Variants in LRP6 observed in about 807,000 individuals in gnomAD.
LRP6 encodes the protein low-density lipoprotein receptor-related protein 6.
In LRP6, 43 loss-of-function variants were observed where a neutral mutation model predicts 184.1. That is an observed-to-expected ratio of 0.23 (90% CI 0.18 to 0.30). The LOEUF is 0.30. Among genes scored for constraint, LRP6 ranks in the 10% least tolerant of loss-of-function variants. The probability of loss-of-function intolerance (pLI) is 1.00; values close to 1 mark genes in which losing one functional copy is unlikely to be tolerated. For missense variants in LRP6, 1,571 were observed against 2,005.3 expected, an observed-to-expected ratio of 0.78 and a Z score of 4.14; for synonymous variants, 719 against 684.9, an observed-to-expected ratio of 1.05 and a Z score of -0.78.
intron 16 of LRP6, among the ~76,000 whole-genome samples, chr12:12,136,933 T>C (rs1440347740): frequency 6.6e-6 from 1 of 152,228 alleles, no homozygotes; most frequent in Non-Finnish European, 1.5e-5. Context: ...AGATTTTCTG[T>C]AATAAAATAT....
intron 3 of LRP6, among the ~76,000 whole-genome samples, chr12:12,190,812 G>T (rs1338611218): frequency 6.6e-6 from 1 of 152,176 alleles, no homozygotes; most frequent in Non-Finnish European, 1.5e-5. Flanking sequence ...CCACAGTGAA[G>T]CTGTAATAAT....
Position 12,198,264 on chromosome 12 carries a change from C to G in LRP6, c.647+4939G>C, listed in dbSNP as rs1382682816. ...TTTTCTATAGTTGTTCATAGTTGTT[C>G]TATTCCCTTGCTTTGCTTTTCTTTC... On this transcript the variant is annotated intron_variant, in intron 3 of 22. Coordinates refer to ENST00000261349, the MANE Select transcript of LRP6 (RefSeq NM_002336.3). Among the ~76,000 whole-genome samples, 6 of 152,106 alleles carry G rather than the reference C, an allele frequency of 3.9e-5. No individual in the cohort carries two copies. The East Asian group carries it at 1.2e-3, about 29-fold the overall frequency.
At chr12:12,139,191 T>C (rs778161493) in intron 15 of LRP6, among the ~76,000 whole-genome samples, 22 of 152,204 alleles carry the variant, frequency 1.4e-4, no homozygotes, top group Admixed American at 2.6e-4. Flanking sequence ...CAAATATTTA[T>C]AGAAAGTTCA....
intron 3 of LRP6, among the ~76,000 whole-genome samples, chr12:12,196,462 G>A (rs549796937): frequency 1.3e-5 from 2 of 152,000 alleles, no homozygotes; most frequent in East Asian, 3.9e-4. Context: ...TATAGCTATT[G>A]TAAATGACAC....
At chr12:12,149,691 C>T (rs1233121094) in intron 13 of LRP6, among the ~76,000 whole-genome samples, 1 of 152,188 alleles carries the variant, frequency 6.6e-6, no homozygotes, top group Non-Finnish European at 1.5e-5. Context: ...CAGCCCAAAA[C>T]GACCACAGTG....
intron 1 of LRP6, among the ~76,000 whole-genome samples, chr12:12,262,707 A>G (rs1865649398): frequency 6.6e-6 from 1 of 152,228 alleles, no homozygotes; most frequent in Non-Finnish European, 1.5e-5. Flanking sequence ...AACTAAGAAA[A>G]TGGTAAGGAT....
intron 2 of LRP6, among the ~76,000 whole-genome samples, chr12:12,206,294 G>A (rs1591947004): frequency 6.6e-6 from 1 of 152,252 alleles, no homozygotes; most frequent in Non-Finnish European, 1.5e-5. Context: ...TGTAATCCTA[G>A]CACTTTGGGA....
At chr12:12,150,180 G>T (rs1401490809) in intron 13 of LRP6, among the ~76,000 whole-genome samples, 1 of 152,082 alleles carries the variant, frequency 6.6e-6, no homozygotes, top group East Asian at 1.9e-4. Flanking sequence ...AGCAAGCAAA[G>T]AAGTATCGAT....
At chr12:12,184,376 A>G (rs1459912303) in intron 4 of LRP6, among the ~76,000 whole-genome samples, 1 of 87,158 alleles carries the variant, frequency 1.1e-5, no homozygotes, top group African/African-American at 3.2e-5. Context: ...AAAATTAACA[A>G]AAAGCAAAAC....
rs1201567048 is a variant in LRP6, at chr12:12,118,678, A to G, written c.*2448T>C. On this transcript the variant is annotated 3_prime_UTR_variant, in exon 23 of 23. Coordinates refer to ENST00000261349, the MANE Select transcript of LRP6 (RefSeq NM_002336.3). The stretch of plus-strand genomic sequence containing the variant: ...GGCTCAATAAATCTTTCCAAATTTG[A>G]CAATTCTCTCATTAAAAAGTACTCC... The G allele has an allele frequency of 1.3e-5, 2 of 152,210 alleles. No individual in the cohort carries two copies. Among genetic ancestry groups the G allele is most frequent in the African/African-American group, 4.8e-5 (2 of 41,444 alleles). The allele number at this position is 152,210 out of a possible 1,614,324, so 9.4% of individuals were successfully genotyped here.
In LRP6 at chr12:12,165,176, A is replaced by T. The variant is rs1290174238; in HGVS notation, c.1665T>A (p.Ile555=). ...VYWTDWQRRS[I]ERVHKRSAER... ...CTGCACTTCGTTTATGAACTCTTTCAATGCTACGCCTCTGCCAGTCAGTCC... is the reference window on the plus strand; with the variant it reads ...CTGCACTTCGTTTATGAACTCTTTCTATGCTACGCCTCTGCCAGTCAGTCC... Residue 555 remains isoleucine, a synonymous_variant, in exon 8 of 23, where the codon ATT becomes ATA. Coordinates refer to ENST00000261349, the MANE Select transcript of LRP6 (RefSeq NM_002336.3). 6.2e-7 allele frequency: 1 copy of T among 1,614,040 alleles called. No individual in the cohort carries two copies. The highest frequency in any genetic ancestry group is 8.5e-7 in the Non-Finnish European group (1 of 1,179,956).
intron 3 of LRP6, among the ~76,000 whole-genome samples, chr12:12,191,249 C>T (rs970518100): frequency 2.0e-5 from 3 of 152,158 alleles, no homozygotes; most frequent in African/African-American, 7.2e-5. Flanking sequence ...CCCGGGCTCC[C>T]TTCCAGACAA....
chr12:12,141,539 T>C (rs1949934162), intron 15 of LRP6, among the ~76,000 whole-genome samples: 1 of 152,094 alleles, frequency 6.6e-6, no homozygotes. Context: ...TGCTAGAAAA[T>C]GGTCTCTCTT....
chr12:12,131,044 T>TGA, intron 18 of LRP6, 151 bp from the exon 19 acceptor site: 1 of 568,316 alleles, frequency 1.8e-6, no homozygotes, highest in South Asian at 2.4e-5. Context: ...TTCCATTGGT[T>TGA]GAGAGAGAGA....
intron 7 of LRP6, among the ~76,000 whole-genome samples, chr12:12,178,144 T>C (rs1055606672): frequency 5.9e-5 from 9 of 152,174 alleles, no homozygotes; most frequent in African/African-American, 1.9e-4. Context: ...TTAATCAATG[T>C]TATATATTGT....
intron 22 of LRP6, among the ~76,000 whole-genome samples, chr12:12,122,148 CTTGT>C (rs1361724467): frequency 4.6e-5 from 7 of 152,162 alleles, no homozygotes; most frequent in Non-Finnish European, 8.8e-5. Flanking sequence ...ATTTCTTACA[CTTGT>C]TTATCTTTAC....
At chr12:12,152,110 G>A (rs914415454) in intron 12 of LRP6, among the ~76,000 whole-genome samples, 1 of 152,062 alleles carries the variant, frequency 6.6e-6, no homozygotes, top group Admixed American at 6.6e-5. Context: ...AATCATGGGG[G>A]CCGGTCTTCC....
At chr12:12,170,832 C>CACACA (rs1491110353) in intron 7 of LRP6, among the ~76,000 whole-genome samples, 1 of 122,386 alleles carries the variant, frequency 8.2e-6, no homozygotes, top group African/African-American at 2.8e-5. Context: ...CACACACACA[C>CACACA]GTCTTAGATG....
intron 3 of LRP6, among the ~76,000 whole-genome samples, chr12:12,201,402 T>A (rs1249312085): frequency 6.6e-6 from 1 of 152,162 alleles, no homozygotes; most frequent in Admixed American, 6.6e-5. Flanking sequence ...AATATTGGAG[T>A]GGGCAACCCT....
Sources: allele counts gnomAD v4.1 joint callset (sites outside exome capture counted in the v4.1 genomes callset), GRCh38; gene constraint gnomAD v4.1.1; transcripts MANE v1.5; gene names NCBI Gene and HGNC (gene_info 2026-07-23, HGNC 2026-07-21).